Variants in DIO1 observed in about 807,000 individuals in gnomAD.
The protein encoded by DIO1 is type I iodothyronine deiodinase.
DIO1 carries 17 observed loss-of-function variants against 25.9 expected under a neutral mutation model. The observed-to-expected ratio is 0.66, with a 90% CI of 0.45 to 0.98. DIO1 has a LOEUF of 0.98. Ranked by LOEUF, DIO1 falls within the 50% of genes least tolerant of loss-of-function variation. DIO1 has a pLI of 0.00. For missense variants in DIO1, 270 were observed against 310.4 expected, an observed-to-expected ratio of 0.87 and a Z score of 0.98; for synonymous variants, 115 against 114.0, an observed-to-expected ratio of 1.01 and a Z score of -0.05.
intron 2 of DIO1, among the ~76,000 whole-genome samples, chr1:53,905,038 T>C (rs1397450676): frequency 6.6e-6 from 1 of 152,180 alleles, no homozygotes; most frequent in Non-Finnish European, 1.5e-5. Context: ...TGACAGGGTC[T>C]GGCTAGGAGA....
chr1:53,910,037 G>A lies in DIO1; in HGVS notation c.*38G>A. 6.3e-7 allele frequency: 1 copy of A among 1,588,772 alleles called. No individual in the cohort carries two copies. On this transcript the variant is annotated 3_prime_UTR_variant, in exon 4 of 4. Transcript: ENST00000361921. ...CCTCAATTCTAGGTGACCAACGGGA[G>A]GGCTTCTCAAGGCTTAGCTCTCCCT...
intron 1 of DIO1, among the ~76,000 whole-genome samples, chr1:53,903,429 TG>T (rs1183214417): frequency 6.6e-5 from 10 of 151,728 alleles, no homozygotes; most frequent in Non-Finnish European, 1.3e-4. Flanking sequence ...ACTCGGTCTC[TG>T]GGGTGCTGGG....
intron 1 of DIO1, among the ~76,000 whole-genome samples, chr1:53,895,378 G>A (rs1291797246): frequency 6.6e-6 from 1 of 152,156 alleles, no homozygotes; most frequent in Non-Finnish European, 1.5e-5. Context: ...AGTCAAGATT[G>A]TGCCACTGCA....
intron 2 of DIO1, among the ~76,000 whole-genome samples, 155 bp from the exon 3 acceptor site, chr1:53,905,940 T>C (rs1651632904): frequency 1.3e-5 from 2 of 152,260 alleles, no homozygotes; most frequent in Admixed American, 1.3e-4. Flanking sequence ...CACTAATTCC[T>C]GACGTGACCT....
intron 1 of DIO1, among the ~76,000 whole-genome samples, chr1:53,895,124 T>A (rs1382611591): frequency 1.3e-5 from 2 of 152,092 alleles, no homozygotes; most frequent in African/African-American, 2.4e-5. Flanking sequence ...GCTCAGTAAA[T>A]ACTTGTTAAA....
intron 1 of DIO1, among the ~76,000 whole-genome samples, chr1:53,904,367 A>G (rs1454329156): frequency 6.6e-6 from 1 of 152,216 alleles, no homozygotes; most frequent in Non-Finnish European, 1.5e-5. Context: ...GAATGGATGC[A>G]TACCTGCCTT....
chr1:53,906,464 C>T (rs1040561120), intron 3 of DIO1, among the ~76,000 whole-genome samples, 170 bp downstream of exon 3: 9 of 152,172 alleles, frequency 5.9e-5, no homozygotes, highest in Non-Finnish European at 1.0e-4. Context: ...CTTCAATTTC[C>T]TCTTCTGCAA....
intron 1 of DIO1, among the ~76,000 whole-genome samples, chr1:53,896,566 T>C (rs556930694): frequency 6.6e-6 from 1 of 152,324 alleles, no homozygotes; most frequent in Admixed American, 6.5e-5. Context: ...GTTCCACAGA[T>C]ATGCTTTACT....
chr1:53,906,951 GTC>G (rs1487392967), intron 3 of DIO1, among the ~76,000 whole-genome samples: 1 of 152,238 alleles, frequency 6.6e-6, no homozygotes, highest in African/African-American at 2.4e-5. Flanking sequence ...ACCGTGCCCG[GTC>G]TGTTTTTGTT....
intron 1 of DIO1, among the ~76,000 whole-genome samples, chr1:53,902,836 A>T (rs2100771212): frequency 6.6e-6 from 1 of 151,734 alleles, no homozygotes; most frequent in South Asian, 2.1e-4. Flanking sequence ...GCTGTCTTGA[A>T]TTTTTGTTGC....
At chr1:53,898,347 C>T (rs564533519) in intron 1 of DIO1, among the ~76,000 whole-genome samples, 9 of 152,236 alleles carry the variant, frequency 5.9e-5, no homozygotes, top group South Asian at 2.1e-4. Flanking sequence ...CCAGAGCTTA[C>T]GGGGCCTTGT....
intron 1 of DIO1, among the ~76,000 whole-genome samples, chr1:53,901,495 CTGGGCTGTGGA>C (rs1488255445): frequency 6.6e-6 from 1 of 152,154 alleles, no homozygotes; most frequent in Non-Finnish European, 1.5e-5. Context: ...AGCACCACAA[CTGGGCTGTGGA>C]TGAATTCTGC....
chr1:53,899,269 T>C (rs1276214688), intron 1 of DIO1, among the ~76,000 whole-genome samples: 6 of 152,232 alleles, frequency 3.9e-5, no homozygotes, highest in Non-Finnish European at 8.8e-5. Context: ...TACTTACAAG[T>C]GTTGTCCAAT....
At chr1:53,909,097 A>G (rs1651804815) in intron 3 of DIO1, among the ~76,000 whole-genome samples, 1 of 148,882 alleles carries the variant, frequency 6.7e-6, no homozygotes, top group Non-Finnish European at 1.5e-5. Context: ...CTCTCAAAAA[A>G]AAAAAAGAAA....
At chr1:53,898,359 T>C (rs1322991572) in intron 1 of DIO1, among the ~76,000 whole-genome samples, 1 of 152,104 alleles carries the variant, frequency 6.6e-6, no homozygotes, top group African/African-American at 2.4e-5. Context: ...GGGCCTTGTG[T>C]GTCGTAGCTG....
At position 53,910,486 on chromosome 1, in the gene DIO1, G is replaced by A. The variant is rs1183769942; in HGVS notation, c.*487G>A. ...ATTTAAGACACTAAATTAGTTTTTA[G>A]AACCAATTATGGGAAGAATTCCAGT... On this transcript the variant is annotated 3_prime_UTR_variant, in exon 4 of 4. Transcript: ENST00000361921. 6.3e-6 allele frequency: 1 copy of A among 158,004 alleles called. No homozygotes were observed. Among genetic ancestry groups the A allele is most frequent in the East Asian group, 1.8e-4 (1 of 5,660 alleles). The allele number at this position is 158,004 out of a possible 1,614,324, so 9.8% of individuals were successfully genotyped here. A position where few individuals can be genotyped will look rare whatever the true frequency, so the allele number is the denominator to read the frequency against.
intron 1 of DIO1, among the ~76,000 whole-genome samples, chr1:53,896,502 G>C (rs1053060253): frequency 1.3e-5 from 2 of 152,166 alleles, no homozygotes; most frequent in African/African-American, 4.8e-5. Context: ...ACAGGCATGA[G>C]CCACTGTGCC....
chr1:53,897,343 G>A (rs1359946785), intron 1 of DIO1, among the ~76,000 whole-genome samples: 1 of 152,146 alleles, frequency 6.6e-6, no homozygotes, highest in Non-Finnish European at 1.5e-5. Flanking sequence ...AGGCATGGTG[G>A]CATGCACCTA....
At chr1:53,901,143 T>C (rs1651339738) in intron 1 of DIO1, among the ~76,000 whole-genome samples, 1 of 152,044 alleles carries the variant, frequency 6.6e-6, no homozygotes, top group African/African-American at 2.4e-5. Flanking sequence ...TTGTCTTTCA[T>C]GTAGACTTCT....
Sources: gnomAD v4.1 joint callset for allele counts (sites outside exome capture counted in the v4.1 genomes callset) on GRCh38, gnomAD v4.1.1 for gene constraint, MANE v1.5 for transcripts, NCBI Gene and HGNC (gene_info 2026-07-23, HGNC 2026-07-21) for gene names.